Variants in PCP4L1 observed in about 807,000 individuals in gnomAD.
The protein encoded by PCP4L1 is Purkinje cell protein 4 like 1.
A neutral mutation model predicts 9.6 loss-of-function variants in PCP4L1; 9 were observed. The observed-to-expected ratio is 0.94, with a 90% CI of 0.57 to 1.64. The LOEUF (loss-of-function observed/expected upper bound fraction) is 1.64, where lower values mean the gene tolerates loss of function less well. Ranked by LOEUF, PCP4L1 falls within the 40% of genes most tolerant of loss-of-function variation. PCP4L1 has a pLI of 0.00. For synonymous variants in PCP4L1, 31 were observed against 28.2 expected (o/e 1.10, Z -0.31); for missense variants, 81 against 80.8 (o/e 1.00, Z -0.01).
rs1343097214 is a variant in PCP4L1 at position 161,278,833 on chromosome 1, A to C, written c.10-4835A>C. 2.0e-5 allele frequency among the ~76,000 whole-genome samples: 3 copies of C among 151,944 alleles called. No individual in the cohort carries two copies. The East Asian group carries it at 5.8e-4, about 29-fold the overall frequency. ...CCCTCACTCTTGTTGCTGAGGCTGGAGTGCAGTGGCGCAATCTCAGCTCAC... is the reference window on the plus strand; with the variant it reads ...CCCTCACTCTTGTTGCTGAGGCTGGCGTGCAGTGGCGCAATCTCAGCTCAC... On this transcript the variant is annotated intron_variant, in intron 1 of 2. Coordinates refer to ENST00000504449, the MANE Select transcript of PCP4L1 (RefSeq NM_001102566.2).
chr1:161,266,371 A>G (rs1669530388), intron 1 of PCP4L1, among the ~76,000 whole-genome samples: 1 of 151,720 alleles, frequency 6.6e-6, no homozygotes, highest in Non-Finnish European at 1.5e-5. Context: ...CTTTGGCACT[A>G]CTCTCTCTCC....
At chr1:161,281,863 A>C (rs1433736395) in intron 1 of PCP4L1, among the ~76,000 whole-genome samples, 1 of 126,912 alleles carries the variant, frequency 7.9e-6, no homozygotes, top group African/African-American at 3.1e-5. Context: ...ATCTCAGACG[A>C]TGGGTGGCCG....
chr1:161,258,795 C>A lies in PCP4L1; in HGVS notation c.-180C>A. 1.0e-6 allele frequency: 1 copy of A among 990,340 alleles called. No individual in the cohort carries two copies. The highest frequency in any genetic ancestry group is 1.5e-6 in the Non-Finnish European group (1 of 665,356). The allele number at this position is 990,340 out of a possible 1,614,324, so 61.3% of individuals were successfully genotyped here. On this transcript the variant is annotated 5_prime_UTR_variant, in exon 1 of 3. Coordinates refer to ENST00000504449, the MANE Select transcript of PCP4L1 (RefSeq NM_001102566.2). ...AGGGGGTCGCCTGGCCGGAGCTGGG[C>A]TCCGAGAATCCCGGGTGCCAGCACC... is the stretch of plus-strand genomic sequence containing the variant.
At chr1:161,269,419 G>A (rs1372487798) in intron 1 of PCP4L1, among the ~76,000 whole-genome samples, 1 of 152,130 alleles carries the variant, frequency 6.6e-6, no homozygotes, top group Non-Finnish European at 1.5e-5. Flanking sequence ...CCTCTGAACT[G>A]GCTACAGAAT....
At chr1:161,277,536 C>A (rs6427583) in intron 1 of PCP4L1, among the ~76,000 whole-genome samples, 69,631 of 151,978 alleles carry the variant, frequency 0.46, 16,365 homozygotes, top group East Asian at 0.64. Context: ...ATAAACAATA[C>A]ATATTATTTG....
rs371799665 is a variant in PCP4L1 at position 161,277,988 on chromosome 1, A to T, written c.10-5680A>T. 5.9e-5 allele frequency among the ~76,000 whole-genome samples: 9 copies of T among 152,272 alleles called. No homozygotes were observed. In the South Asian group the frequency reaches 1.9e-3, roughly 32 times the overall value. ...GATAAACTGTCTGTATTCTTATCGA[A>T]GGGCAACCCCTCCACTTATGCACCA... On this transcript the variant is annotated intron_variant, in intron 1 of 2. Transcript: ENST00000504449.
At chr1:161,277,139 C>G (rs1252549556) in intron 1 of PCP4L1, among the ~76,000 whole-genome samples, 1 of 152,048 alleles carries the variant, frequency 6.6e-6, no homozygotes, top group African/African-American at 2.4e-5. Context: ...TTGTTGGATA[C>G]AAGATCAATA....
chr1:161,274,541 C>A (rs900482440), intron 1 of PCP4L1, among the ~76,000 whole-genome samples: 3 of 152,170 alleles, frequency 2.0e-5, no homozygotes, highest in Non-Finnish European at 4.4e-5. Flanking sequence ...CCAGGGTGTA[C>A]CTCTGTGCCT....
In PCP4L1 at chr1:161,258,886, G is replaced by A; in HGVS notation, c.-89G>A. 2.0e-6 allele frequency: 3 copies of A among 1,525,738 alleles called. No homozygotes were observed. Among genetic ancestry groups the A allele is most frequent in the Middle Eastern group, 1.7e-4 (1 of 5,962 alleles). 94.5% of individuals were successfully genotyped at this position (1,525,738 alleles called of 1,614,324 possible). A position where few individuals can be genotyped will look rare whatever the true frequency, so the allele number is the denominator to read the frequency against. ...GCTGTAACCCCTGCCGCAGAGCCCG[G>A]CAACTTTCAGCTGTCGCCCGCGGAG... On this transcript the variant is annotated 5_prime_UTR_variant, in exon 1 of 3. Coordinates refer to ENST00000504449, the MANE Select transcript of PCP4L1 (RefSeq NM_001102566.2).
intron 1 of PCP4L1, among the ~76,000 whole-genome samples, chr1:161,282,051 GT>G (rs1302156495): frequency 6.6e-6 from 1 of 152,200 alleles, no homozygotes; most frequent in Non-Finnish European, 1.5e-5. Context: ...GGAGATGGAG[GT>G]TGTAGCAAGC....
intron 1 of PCP4L1, among the ~76,000 whole-genome samples, chr1:161,270,395 C>A (rs1669602957): frequency 6.6e-6 from 1 of 152,076 alleles, no homozygotes; most frequent in South Asian, 2.1e-4. Context: ...TCAGAGCCAA[C>A]TGTGTTAGGG....
At chr1:161,274,596 C>T (rs565967299) in intron 1 of PCP4L1, among the ~76,000 whole-genome samples, 21 of 152,222 alleles carry the variant, frequency 1.4e-4, no homozygotes, top group African/African-American at 2.9e-4. Flanking sequence ...CTTGCAGATG[C>T]GTATACCAGA....
chr1:161,273,328 T>G (rs1445845828), intron 1 of PCP4L1, among the ~76,000 whole-genome samples: 1 of 152,142 alleles, frequency 6.6e-6, no homozygotes, highest in African/African-American at 2.4e-5. Context: ...TGAGAAACAT[T>G]TAGTCCTGGC....
At position 161,266,238 on chromosome 1, in the gene PCP4L1, T is replaced by C. The variant is rs114763120; in HGVS notation, c.9+7255T>C. 4.0e-3 allele frequency among the ~76,000 whole-genome samples: 612 copies of C among 152,284 alleles called. 4 individuals are homozygous for C. The highest frequency in any genetic ancestry group is 0.014 in the African/African-American group (590 of 41,552). On this transcript the variant is annotated intron_variant, in intron 1 of 2. Coordinates refer to ENST00000504449, the MANE Select transcript of PCP4L1 (RefSeq NM_001102566.2). ...TCTGTTGTCCTTGGTGCTGCCTCCC[T>C]CCCACACAAAGCCCTCCAGCTGAGT...
chr1:161,274,633 C>T (rs1013977681), intron 1 of PCP4L1, among the ~76,000 whole-genome samples: 1 of 152,152 alleles, frequency 6.6e-6, no homozygotes, highest in Non-Finnish European at 1.5e-5. Flanking sequence ...AAAATTGCTG[C>T]GTTTCTGGAA....
At chr1:161,281,748 G>A (rs868386296) in intron 1 of PCP4L1, among the ~76,000 whole-genome samples, 3 of 132,566 alleles carry the variant, frequency 2.3e-5, no homozygotes, top group African/African-American at 5.9e-5. Flanking sequence ...CCTCCCAGAC[G>A]GGGTCACGGC....
At chr1:161,259,179 C>G (rs1669378080) in intron 1 of PCP4L1, among the ~76,000 whole-genome samples, 196 bp downstream of exon 1, 1 of 152,156 alleles carries the variant, frequency 6.6e-6, no homozygotes, top group Non-Finnish European at 1.5e-5. Flanking sequence ...TGCTTTCAGT[C>G]TCCCTACTGT....
chr1:161,259,377 C>A (rs943378775), intron 1 of PCP4L1, among the ~76,000 whole-genome samples: 1 of 152,166 alleles, frequency 6.6e-6, no homozygotes, highest in Non-Finnish European at 1.5e-5. Flanking sequence ...ATGTAAGGCA[C>A]TCACATTCCT....
rs116415220 is a variant in PCP4L1 at position 161,268,148 on chromosome 1, A to C, written c.9+9165A>C. Among the ~76,000 whole-genome samples the C allele has an allele frequency of 4.0e-3, 614 of 152,318 alleles. 4 individuals carry two copies. The highest frequency in any genetic ancestry group is 0.014 in the African/African-American group (592 of 41,580). ...AATCTCCTTTTCCCTGTGGTGTATA[A>C]CTTAAAAAAAGAGATGTCTCAGGGT... is the stretch of plus-strand genomic sequence containing the variant. On this transcript the variant is annotated intron_variant, in intron 1 of 2. Transcript: ENST00000504449.
Sources: allele counts gnomAD v4.1 joint callset (sites outside exome capture counted in the v4.1 genomes callset), GRCh38; gene constraint gnomAD v4.1.1; transcripts MANE v1.5; gene names NCBI Gene and HGNC (gene_info 2026-07-23, HGNC 2026-07-21).